Variants in ATXN8OS observed in about 807,000 individuals in gnomAD.
ATXN8OS encodes ATXN8 opposite strand (non-protein coding).
chr13:70,164,983 G>A (rs948036256), intron 4 of ATXN8OS, among the ~76,000 whole-genome samples: 1 of 151,820 alleles, frequency 6.6e-6, no homozygotes, highest in African/African-American at 2.4e-5. Flanking sequence ...ACACTCTAAA[G>A]GACTCTAAAA....
intron 3 of ATXN8OS, among the ~76,000 whole-genome samples, chr13:70,143,128 A>G (rs929973825): frequency 7.2e-5 from 11 of 152,074 alleles, no homozygotes; most frequent in African/African-American, 2.7e-4. Context: ...TCATGTTACT[A>G]CATTTAATCT....
chr13:70,153,784 A>G (rs1037193380), intron 4 of ATXN8OS, among the ~76,000 whole-genome samples: 2 of 151,942 alleles, frequency 1.3e-5, no homozygotes, highest in Non-Finnish European at 2.9e-5. Flanking sequence ...GGCTCCCGCG[A>G]TCCACCCACC....
intron 4 of ATXN8OS, among the ~76,000 whole-genome samples, chr13:70,151,982 C>T (rs1295103472): frequency 6.6e-6 from 1 of 152,128 alleles, no homozygotes. Context: ...ACTTAGCATA[C>T]ATTTTATAGT....
intron 3 of ATXN8OS, among the ~76,000 whole-genome samples, chr13:70,142,233 G>A (rs1421808292): frequency 6.6e-6 from 1 of 152,118 alleles, no homozygotes; most frequent in African/African-American, 2.4e-5. Flanking sequence ...TCTAGTATAA[G>A]TCTGTGAAAG....
chr13:70,162,269 T>C (rs1041836569), intron 4 of ATXN8OS, among the ~76,000 whole-genome samples: 2 of 152,024 alleles, frequency 1.3e-5, no homozygotes, highest in African/African-American at 4.8e-5. Context: ...AGACAACGTA[T>C]AGGAAACCTG....
At chr13:70,128,721 T>C (rs1449189462) in intron 2 of ATXN8OS, among the ~76,000 whole-genome samples, 1 of 152,212 alleles carries the variant, frequency 6.6e-6, no homozygotes, top group Non-Finnish European at 1.5e-5. Flanking sequence ...TTTTGTATAC[T>C]AAAATATTGA....
chr13:70,149,862 C>T (rs1051009346), intron 4 of ATXN8OS, among the ~76,000 whole-genome samples: 13 of 151,884 alleles, frequency 8.6e-5, no homozygotes, highest in African/African-American at 3.1e-4. Context: ...CAAACAAAAA[C>T]TTTTTTTTCC....
chr13:70,163,760 T>C (rs1247764093), intron 4 of ATXN8OS, among the ~76,000 whole-genome samples: 1 of 151,868 alleles, frequency 6.6e-6, no homozygotes, highest in Non-Finnish European at 1.5e-5. Context: ...TTAAAATTTA[T>C]ATAAATTTCA....
chr13:70,123,134 G>A (rs1220869792), intron 2 of ATXN8OS, among the ~76,000 whole-genome samples: 1 of 151,942 alleles, frequency 6.6e-6, no homozygotes, highest in Non-Finnish European at 1.5e-5. Flanking sequence ...ACATTATTAA[G>A]TAATAAGTAA....
chr13:70,167,609 A>G (rs1415833646), intron 4 of ATXN8OS, among the ~76,000 whole-genome samples: 1 of 151,636 alleles, frequency 6.6e-6, no homozygotes, highest in Non-Finnish European at 1.5e-5. Context: ...ATGCATACGT[A>G]TGTAACTAAC....
At chr13:70,149,160 G>A (rs9634970) in intron 4 of ATXN8OS, among the ~76,000 whole-genome samples, 36,959 of 151,884 alleles carry the variant, frequency 0.24, 4,623 homozygotes, top group Admixed American at 0.3. Context: ...CTGTCTAATG[G>A]TAACTGGAAT....
At chr13:70,129,839 G>A in exon 3 of ATXN8OS, 1 of 398,510 alleles carries the variant, frequency 2.5e-6, no homozygotes. Context: ...TGTATAGGAA[G>A]TTGAAGTGTT....
At chr13:70,124,937 T>G (rs1888409111) in intron 2 of ATXN8OS, among the ~76,000 whole-genome samples, 3 of 90,642 alleles carry the variant, frequency 3.3e-5, no homozygotes, top group African/African-American at 7.4e-5. Context: ...TTTGAGGGTT[T>G]TTTTTTTTTT....
At chr13:70,139,295 C>A in intron 3 of ATXN8OS, 1 of 532,972 alleles carries the variant, frequency 1.9e-6, no homozygotes. Context: ...TTGGCTGAAG[C>A]CCTATTCCCA....
chr13:70,143,677 A>G (rs1031790225), intron 3 of ATXN8OS, among the ~76,000 whole-genome samples: 4 of 152,136 alleles, frequency 2.6e-5, no homozygotes, highest in African/African-American at 7.2e-5. Context: ...TTCTGCACAT[A>G]AATGTTTTTT....
chr13:70,160,168 T>C (rs1202106641), intron 4 of ATXN8OS, among the ~76,000 whole-genome samples: 2 of 124,356 alleles, frequency 1.6e-5, no homozygotes, highest in African/African-American at 2.4e-5. Flanking sequence ...TTTGTTGACT[T>C]TTTGTGAGCA....
chr13:70,113,454 G>T (rs746523570), intron 1 of ATXN8OS, among the ~76,000 whole-genome samples: 3 of 151,964 alleles, frequency 2.0e-5, no homozygotes, highest in African/African-American at 4.8e-5. Context: ...TTTACAAAGG[G>T]TTAAGATTTC....
intron 3 of ATXN8OS, among the ~76,000 whole-genome samples, chr13:70,141,943 G>A (rs564303673): frequency 6.6e-6 from 1 of 152,098 alleles, no homozygotes; most frequent in East Asian, 1.9e-4. Flanking sequence ...GAACCCAATG[G>A]CAGGGTCTCG....
chr13:70,161,932 G>T lies in ATXN8OS; in HGVS notation n.574-7821G>T, dbSNP rs2479949. ...GGAGAACTAGGGGGATGGAAGACAA[G>T]GTAATACAGAAATTCTATACATTCA... On this transcript the variant is annotated intron_variant and non_coding_transcript_variant, in intron 4 of 4. Transcript: ENST00000678624. 6.9e-4 allele frequency among the ~76,000 whole-genome samples: 105 copies of T among 151,930 alleles called. 3 individuals carry two copies. In the South Asian group the frequency reaches 0.021, roughly 30 times the overall value.
Sources: gnomAD v4.1 joint callset for allele counts (sites outside exome capture counted in the v4.1 genomes callset) on GRCh38, gnomAD v4.1.1 for gene constraint, MANE v1.5 for transcripts, NCBI Gene and HGNC (gene_info 2026-07-23, HGNC 2026-07-21) for gene names.